The following TMEM255B variants were observed in gnomAD, a reference collection of about 807,000 sequenced individuals.
TMEM255B encodes the protein transmembrane protein 255B.
In TMEM255B, 35 loss-of-function variants were observed where a neutral mutation model predicts 34.5. The observed-to-expected ratio is 1.01, with a 90% CI of 0.77 to 1.34. TMEM255B has a LOEUF of 1.34. Ranked by LOEUF, TMEM255B falls within the 40% of genes most tolerant of loss-of-function variation. The pLI is 0.00. For synonymous variants in TMEM255B, 206 were observed against 201.2 expected, an observed-to-expected ratio of 1.02 and a Z score of -0.20; for missense variants, 432 against 433.2, an observed-to-expected ratio of 1.00 and a Z score of 0.02.
Position 113,795,188 on chromosome 13 carries a change from C to T in TMEM255B, c.293C>T (p.Ala98Val). 1 of 1,613,968 alleles carries T rather than the reference C, an allele frequency of 6.2e-7. No homozygotes were observed. The highest frequency in any genetic ancestry group is 8.5e-7 in the Non-Finnish European group (1 of 1,179,996). ...GTGTTTATCAGTTTTGGCGTGGTGGCCGCCTTCTGCTGCGCCATCGTGGAC... is the reference window on the plus strand; with the variant it reads ...GTGTTTATCAGTTTTGGCGTGGTGGTCGCCTTCTGCTGCGCCATCGTGGAC... ...AIVFISFGVV[A>V]AFCCAIVDGV... is the part of the protein sequence containing the mutation. The change falls in exon 4 of 9, where the codon GCC (alanine) becomes GTC (valine). Residue 98 changes from alanine (A) to valine (V), a missense_variant. Ala to Val is a moderately conservative substitution (Grantham distance 64). Transcript: ENST00000375353.
chr13:113,801,711 C>G lies in TMEM255B; in HGVS notation c.568C>G (p.Leu190Val). The G allele has an allele frequency of 2.5e-6, 4 of 1,612,622 alleles. No individual in the cohort carries two copies. The highest frequency in any genetic ancestry group is 3.4e-6 in the Non-Finnish European group (4 of 1,179,650). ...CGGCGTCAGCGGCTGCCAGGACGTG[C>G]TGCACCTGTACCGCCTGCTCTGGGC... ...FIGVSGCQDV[L>V]HLYRLLWASA... The change falls in exon 7 of 9, where the codon CTG (leucine) becomes GTG (valine). Residue 190 changes from leucine (L) to valine (V), a missense_variant. Physicochemically the swap from Leu to Val is conservative, Grantham distance 32. Transcript: ENST00000375353.
intron 6 of TMEM255B, 104 bp from the exon 7 acceptor site, chr13:113,801,549 T>C: frequency 7.5e-7 from 1 of 1,339,454 alleles, no homozygotes; most frequent in Non-Finnish European, 1.0e-6. Context: ...CCAGCCCTGA[T>C]TTCCTCCCCC....
chr13:113,768,383 C>A, intron 2 of TMEM255B: 1 of 400,656 alleles, frequency 2.5e-6, no homozygotes, highest in Non-Finnish European at 5.3e-6. Flanking sequence ...CCGGTGGCCT[C>A]TGTTCTAAGA....
intron 8 of TMEM255B, among the ~76,000 whole-genome samples, chr13:113,810,458 G>C (rs1401835790): frequency 6.6e-6 from 1 of 152,212 alleles, no homozygotes; most frequent in Non-Finnish European, 1.5e-5. Context: ...ACTTGGGTGG[G>C]TCTATGTGTG....
chr13:113,794,105 G>C lies in TMEM255B; in HGVS notation c.253-1043G>C, dbSNP rs71449035. Among the ~76,000 whole-genome samples, 723 of 152,348 alleles carry C rather than the reference G, an allele frequency of 4.7e-3. 4 individuals carry two copies. Among genetic ancestry groups the C allele is most frequent in the Non-Finnish European group, 5.9e-3 (403 of 68,032 alleles). Reference sequence around the variant, plus strand: ...ACACACAGGGCCATGCTGACATCGGGGGAAGAGGCCACAGCAGTTCCACGT... The same window carrying C: ...ACACACAGGGCCATGCTGACATCGGCGGAAGAGGCCACAGCAGTTCCACGT... On this transcript the variant is annotated intron_variant, in intron 3 of 8. Transcript: ENST00000375353.
Position 113,790,325 on chromosome 13 carries a change from G to C in TMEM255B, c.253-4823G>C, listed in dbSNP as rs376083242. Among the ~76,000 whole-genome samples, 135 of 61,432 alleles carry C rather than the reference G, an allele frequency of 2.2e-3. 1 individual carries two copies. Among genetic ancestry groups the C allele is most frequent in the East Asian group, 5.3e-3 (4 of 748 alleles). 40.3% of individuals were successfully genotyped at this position (61,432 alleles called of 152,430 possible). ...GACTGGACACATGGACATCCTAGCT[G>C]TGGACTGACCGGACACATAGACATC... On this transcript the variant is annotated intron_variant, in intron 3 of 8. Coordinates refer to ENST00000375353, the MANE Select transcript of TMEM255B (RefSeq NM_182614.4).
intron 3 of TMEM255B, among the ~76,000 whole-genome samples, chr13:113,785,549 C>A (rs2050727909): frequency 6.6e-6 from 1 of 152,222 alleles, no homozygotes; most frequent in Non-Finnish European, 1.5e-5. Context: ...AATAGACCCA[C>A]CGGAGGAGAG....
intron 7 of TMEM255B, among the ~76,000 whole-genome samples, chr13:113,802,297 G>A (rs779891609): frequency 2.0e-5 from 3 of 152,224 alleles, no homozygotes; most frequent in African/African-American, 4.8e-5. Flanking sequence ...GCCGGCCCTC[G>A]CCCGGGAAAC....
rs529505396 is a variant in TMEM255B at position 113,773,929 on chromosome 13, G to A, written c.252+4769G>A. 6.6e-5 allele frequency among the ~76,000 whole-genome samples: 10 copies of A among 152,332 alleles called. No homozygotes were observed. In the South Asian group the frequency reaches 2.1e-3, roughly 32 times the overall value. On this transcript the variant is annotated intron_variant, in intron 3 of 8. Transcript: ENST00000375353. ...AGTTATTTCAAAAGGCAGCAAGGCA[G>A]GCTGTCAACGTCAGCTACAGAGAGA...
rs1296165998 is a variant in TMEM255B, at chr13:113,795,633, CACAGAGCACACAGCACACACACA to C, written c.342+416_342+438del. Among the ~76,000 whole-genome samples the C allele has an allele frequency of 5.4e-5, 8 of 146,828 alleles. 1 individual carries two copies. In the East Asian group the frequency reaches 1.0e-3, roughly 19 times the overall value. On this transcript the variant is annotated intron_variant, in intron 4 of 8. Transcript: ENST00000375353. ...AGCACACACCACACACCACACAACA[CACAGAGCACACAGCACACACACA>C]ACAGAGCACACAGCACACAACACAC...
At chr13:113,808,366 A>AAGAAACATGCCCTCC (rs1258103563) in intron 8 of TMEM255B, among the ~76,000 whole-genome samples, 5 of 152,216 alleles carry the variant, frequency 3.3e-5, no homozygotes, top group African/African-American at 1.2e-4. Context: ...CCCCGTTACT[A>AAGAAACATGCCCTCC]AGAAACATGC....
intron 4 of TMEM255B, among the ~76,000 whole-genome samples, chr13:113,796,622 C>T (rs114916598): frequency 1.3e-5 from 2 of 152,310 alleles, no homozygotes; most frequent in African/African-American, 2.4e-5. Context: ...GCCAAGGAAT[C>T]GTTTCTGTGT....
Position 113,766,111 on chromosome 13 carries a change from A to G in TMEM255B, c.47-4A>G, listed in dbSNP as rs370046476. On this transcript the variant is annotated splice_polypyrimidine_tract_variant and splice_region_variant and intron_variant, in intron 1 of 8. Transcript: ENST00000375353. ...CTGACAGGTCCTCGCCTTCCTCCCC[A>G]CAGAAGGGCTTTCGAGGAGGAAGAA... is the stretch of plus-strand genomic sequence containing the variant. The G allele has an allele frequency of 1.2e-4, 193 of 1,613,952 alleles. No homozygotes were observed. In the African/African-American group the frequency reaches 2.5e-3, roughly 21 times the overall value.
chr13:113,777,172 G>A (rs572057777), intron 3 of TMEM255B, among the ~76,000 whole-genome samples: 14 of 152,220 alleles, frequency 9.2e-5, no homozygotes, highest in African/African-American at 1.4e-4. Flanking sequence ...TGGCCACTCC[G>A]CAGGGAGTTA....
At chr13:113,781,188 T>G (rs1192267467) in intron 3 of TMEM255B, among the ~76,000 whole-genome samples, 1 of 152,230 alleles carries the variant, frequency 6.6e-6, no homozygotes, top group East Asian at 1.9e-4. Flanking sequence ...CTCTTTACAA[T>G]TTTTGTTAAA....
At chr13:113,800,972 C>T (rs1256221124) in intron 6 of TMEM255B, 60 bp downstream of exon 6, 11 of 1,142,674 alleles carry the variant, frequency 9.6e-6, no homozygotes, top group Non-Finnish European at 1.2e-5. Flanking sequence ...CGCTGGGGAC[C>T]CCCGTATCTA....
At chr13:113,768,367 G>C (rs2050424997) in intron 2 of TMEM255B, 1 of 410,006 alleles carries the variant, frequency 2.4e-6, no homozygotes, top group African/African-American at 2.1e-5. Context: ...GGGTGCGGAT[G>C]CCCGGCCGGT....
intron 2 of TMEM255B, chr13:113,768,839 C>T (rs1047478465): frequency 3.3e-5 from 19 of 570,256 alleles, no homozygotes; most frequent in Non-Finnish European, 6.2e-5. Flanking sequence ...CTTCTCTTAC[C>T]CCAGAGTCAC....
At chr13:113,781,686 G>A (rs1019847425) in intron 3 of TMEM255B, among the ~76,000 whole-genome samples, 11 of 152,140 alleles carry the variant, frequency 7.2e-5, no homozygotes, top group Non-Finnish European at 1.2e-4. Flanking sequence ...AAGCAGGCAA[G>A]TTGTACAGCT....
Sources: allele counts gnomAD v4.1 joint callset (sites outside exome capture counted in the v4.1 genomes callset), GRCh38; gene constraint gnomAD v4.1.1; transcripts MANE v1.5; gene names NCBI Gene and HGNC (gene_info 2026-07-23, HGNC 2026-07-21).